The following PGGT1B variants were observed in gnomAD, a reference collection of about 807,000 sequenced individuals.
PGGT1B encodes protein geranylgeranyltransferase type I subunit beta.
Under a neutral mutation model 46.1 loss-of-function variants are expected in PGGT1B, and 30 were observed. That is an observed-to-expected ratio of 0.65 (90% CI 0.49 to 0.88). The LOEUF (loss-of-function observed/expected upper bound fraction) is 0.88, where lower values mean the gene tolerates loss of function less well. PGGT1B is among the 40% of genes least tolerant of loss of function. PGGT1B has a pLI of 0.00. For missense variants in PGGT1B, 376 were observed against 455.9 expected, an observed-to-expected ratio of 0.82 and a Z score of 1.60; for synonymous variants, 170 against 160.0, an observed-to-expected ratio of 1.06 and a Z score of -0.47.
chr5:115,240,372 T>G (rs1050421704), intron 3 of PGGT1B, among the ~76,000 whole-genome samples: 2 of 152,244 alleles, frequency 1.3e-5, no homozygotes, highest in African/African-American at 4.8e-5. Context: ...CATCTATATA[T>G]AGTATAGTAC....
chr5:115,227,375 AC>A (rs989801733), intron 6 of PGGT1B, among the ~76,000 whole-genome samples: 1 of 152,194 alleles, frequency 6.6e-6, no homozygotes, highest in Non-Finnish European at 1.5e-5. Flanking sequence ...AAGTCAAGTA[AC>A]ACTCATTACC....
intron 6 of PGGT1B, among the ~76,000 whole-genome samples, chr5:115,226,260 T>G (rs537555611): frequency 5.2e-4 from 79 of 152,120 alleles, no homozygotes; most frequent in African/African-American, 1.7e-3. Flanking sequence ...TGCATGACAC[T>G]CAAAGGAAAT....
chr5:115,231,151 A>T lies in PGGT1B; in HGVS notation c.613-130T>A, dbSNP rs936432812. 5 of 513,160 alleles carry T rather than the reference A, an allele frequency of 9.7e-6. No homozygotes were observed. The African/African-American group carries it at 1.0e-4, about 10-fold the overall frequency. The allele number at this position is 513,160 out of a possible 1,614,324, so 31.8% of individuals were successfully genotyped here. On this transcript the variant is annotated intron_variant, in intron 5 of 8. Coordinates refer to ENST00000419445, the MANE Select transcript of PGGT1B (RefSeq NM_005023.4). ...ATTTCTCCTTTACATCTTCCAAAAT[A>T]TGCGTTTTTCCCCATGGAGAAGTAG...
intron 5 of PGGT1B, among the ~76,000 whole-genome samples, chr5:115,232,786 T>A (rs1189450951): frequency 6.6e-6 from 1 of 151,912 alleles, no homozygotes; most frequent in African/African-American, 2.4e-5. Flanking sequence ...GCACTGGCTA[T>A]ATGGAAGGCA....
At chr5:115,220,001 A>T (rs1756538463) in intron 7 of PGGT1B, among the ~76,000 whole-genome samples, 1 of 151,834 alleles carries the variant, frequency 6.6e-6, no homozygotes, top group Admixed American at 6.6e-5. Flanking sequence ...TAGAGGGAAT[A>T]CAAAATGTTG....
At chr5:115,221,724 A>G in intron 7 of PGGT1B, 100 bp downstream of exon 7, 3 of 643,260 alleles carry the variant, frequency 4.7e-6, no homozygotes, top group African/African-American at 1.9e-5. Context: ...AGTAGCCTAA[A>G]CCTAACAATA....
rs368385696 is a variant in PGGT1B at position 115,222,224 on chromosome 5, GA to G, written c.659-217del. Among the ~76,000 whole-genome samples the G allele has an allele frequency of 2.6e-4, 39 of 152,098 alleles. No homozygotes were observed. In the East Asian group the frequency reaches 3.9e-3, roughly 15 times the overall value. On this transcript the variant is annotated intron_variant, in intron 6 of 8. Transcript: ENST00000419445. ...AAGCTATAAGAAACATTTTACTTAT[GA>G]AAAAAAGTAAGACTTGGAACAAGAT...
Position 115,246,773 on chromosome 5 carries a change from TAGTC to T in PGGT1B, c.260-5171_260-5168del, listed in dbSNP as rs568854086. 4.8e-3 allele frequency among the ~76,000 whole-genome samples: 729 copies of T among 152,302 alleles called. 5 individuals are homozygous for T. Among genetic ancestry groups the T allele is most frequent in the Non-Finnish European group, 8.0e-3 (544 of 68,024 alleles). ...AGAAAAACAATCCCGGTTTGACACA[TAGTC>T]AGAATCAAGAACTACTGATTTGGTA... is the stretch of plus-strand genomic sequence containing the variant. On this transcript the variant is annotated intron_variant, in intron 2 of 8. Transcript: ENST00000419445.
chr5:115,212,336 A>G lies in PGGT1B; in HGVS notation c.*66T>C. ...TTAAAAAAAGAGCACACTTGGTTAT[A>G]CATGGCTTTTAAACTTGAGCTACAG... On this transcript the variant is annotated 3_prime_UTR_variant, in exon 9 of 9. Coordinates refer to ENST00000419445, the MANE Select transcript of PGGT1B (RefSeq NM_005023.4). 1.9e-6 allele frequency: 3 copies of G among 1,604,694 alleles called. No individual in the cohort carries two copies. Among genetic ancestry groups the G allele is most frequent in the Non-Finnish European group, 2.6e-6 (3 of 1,175,924 alleles).
Position 115,259,428 on chromosome 5 carries a change from G to A in PGGT1B, c.140+3284C>T, listed in dbSNP as rs537048666. Among the ~76,000 whole-genome samples, 16 of 152,236 alleles carry A rather than the reference G, an allele frequency of 1.1e-4. No individual in the cohort carries two copies. In the South Asian group the frequency reaches 2.3e-3, roughly 22 times the overall value. On this transcript the variant is annotated intron_variant, in intron 1 of 8. Coordinates refer to ENST00000419445, the MANE Select transcript of PGGT1B (RefSeq NM_005023.4). ...AAGGGGGCCGGGCACGGTGGCTCAC[G>A]CCTGTAATCCCAGCACTTTGGGAGG...
intron 6 of PGGT1B, 73 bp from the exon 7 acceptor site, chr5:115,222,081 G>A (rs1383009372): frequency 9.9e-6 from 8 of 809,790 alleles, no homozygotes; most frequent in South Asian, 3.2e-5. Flanking sequence ...AATGTTCAAG[G>A]GGAAAAAGTG....
Position 115,238,023 on chromosome 5 carries a change from T to A in PGGT1B, c.328-14A>T. On this transcript the variant is annotated splice_polypyrimidine_tract_variant and intron_variant, in intron 3 of 8. Transcript: ENST00000419445. ...TGTTCCAGGAGCCTAAATACAAAAT[T>A]AATATAGTACTAATTAATGAAGTGA... is the stretch of plus-strand genomic sequence containing the variant. 1.3e-6 allele frequency: 2 copies of A among 1,569,668 alleles called. No individual in the cohort carries two copies. The highest frequency in any genetic ancestry group is 1.7e-6 in the Non-Finnish European group (2 of 1,154,398).
At chr5:115,234,836 T>C (rs1035667100) in intron 5 of PGGT1B, among the ~76,000 whole-genome samples, 1 of 152,060 alleles carries the variant, frequency 6.6e-6, no homozygotes, top group Admixed American at 6.6e-5. Flanking sequence ...ATGATTTTAA[T>C]ATATAGACAT....
chr5:115,246,764 T>G (rs1747864516), intron 2 of PGGT1B, among the ~76,000 whole-genome samples: 1 of 151,804 alleles, frequency 6.6e-6, no homozygotes, highest in African/African-American at 2.4e-5. Flanking sequence ...ACAATCCCGG[T>G]TTGACACATA....
intron 1 of PGGT1B, among the ~76,000 whole-genome samples, chr5:115,259,455 C>T (rs543364371): frequency 9.2e-5 from 14 of 152,088 alleles, no homozygotes; most frequent in Admixed American, 2.6e-4. Context: ...TTTGGGAGGC[C>T]GAGGCGGGCG....
rs941293613 is a variant in PGGT1B at position 115,208,716 on chromosome 5, C to A, written c.*3686G>T. On this transcript the variant is annotated 3_prime_UTR_variant, in exon 9 of 9. Transcript: ENST00000419445. ...TTGTTTTGGTTTTCTACTAGTAATT[C>A]TTTTTTGCTTTTATTAATTCCTTCC... The A allele has an allele frequency of 6.6e-6, 1 of 151,688 alleles. No individual in the cohort carries two copies. Among genetic ancestry groups the A allele is most frequent in the Non-Finnish European group, 1.5e-5 (1 of 67,862 alleles). 9.4% of individuals were successfully genotyped at this position (151,688 alleles called of 1,614,324 possible).
At chr5:115,235,858 G>T (rs1441337996) in intron 5 of PGGT1B, among the ~76,000 whole-genome samples, 1 of 152,038 alleles carries the variant, frequency 6.6e-6, no homozygotes, top group African/African-American at 2.4e-5. Flanking sequence ...TATTCTAACA[G>T]CCTCAAAATA....
Position 115,237,996 on chromosome 5 carries a change from G to A in PGGT1B, c.341C>T (p.Ala114Val), listed in dbSNP as rs987144126. The change falls in exon 4 of 9, where the codon GCT becomes GTT. Residue 114 changes from alanine to valine, a missense_variant. By Grantham distance (64) the Ala-to-Val change is moderately conservative. Coordinates refer to ENST00000419445, the MANE Select transcript of PGGT1B (RefSeq NM_005023.4). ...PFNPSKAPGT[A>V]HPYDSGHIAM... is the part of the protein sequence containing the mutation. Reference sequence around the variant, plus strand: ...AATGTGGCCACTATCATAAGGATGAGCTGTTCCAGGAGCCTAAATACAAAA... The same window carrying A: ...AATGTGGCCACTATCATAAGGATGAACTGTTCCAGGAGCCTAAATACAAAA... The A allele has an allele frequency of 3.7e-6, 6 of 1,603,744 alleles. No individual in the cohort carries two copies. The highest frequency in any genetic ancestry group is 1.1e-5 in the South Asian group (1 of 88,640).
intron 8 of PGGT1B, among the ~76,000 whole-genome samples, chr5:115,215,011 T>C (rs2059061): frequency 0.14 from 21,281 of 152,240 alleles, 2,069 homozygotes; most frequent in East Asian, 0.53. Flanking sequence ...TACTGATTGA[T>C]TGATTGAGAC....
Sources: allele counts gnomAD v4.1 joint callset (sites outside exome capture counted in the v4.1 genomes callset), GRCh38; gene constraint gnomAD v4.1.1; transcripts MANE v1.5; gene names NCBI Gene and HGNC (gene_info 2026-07-23, HGNC 2026-07-21).